The following ARHGAP39 variants were observed in gnomAD, a reference collection of about 807,000 sequenced individuals.
The protein encoded by ARHGAP39 is rho GTPase-activating protein 39.
In ARHGAP39, 44 loss-of-function variants were observed where a neutral mutation model predicts 106.9. The observed-to-expected ratio is 0.41, with a 90% CI of 0.32 to 0.53. ARHGAP39 has a LOEUF of 0.53. ARHGAP39 is among the 20% of genes least tolerant of loss of function. The pLI, the probability that ARHGAP39 is intolerant of heterozygous loss-of-function variation, is 0.21. For missense variants in ARHGAP39, 1,496 were observed against 1,577.3 expected, an observed-to-expected ratio of 0.95 and a Z score of 0.87; for synonymous variants, 768 against 693.2, an observed-to-expected ratio of 1.11 and a Z score of -1.69.
intron 10 of ARHGAP39, 51 bp from the exon 11 acceptor site, chr8:144,530,922 G>T (rs1481894137): frequency 6.4e-7 from 1 of 1,568,690 alleles, no homozygotes. Flanking sequence ...GCACCCCTGG[G>T]CCAAATGGGG....
At chr8:144,698,532 G>A in the ARHGAP39 span, 13 of 190,428 alleles carry the variant, frequency 6.8e-5, no homozygotes, top group South Asian at 9.8e-4. Flanking sequence ...CTAAAGGTTG[G>A]TGAGAGCTCA....
At chr8:144,628,767 C>T (rs1052204492) in intron 1 of ARHGAP39, among the ~76,000 whole-genome samples, 3 of 152,222 alleles carry the variant, frequency 2.0e-5, no homozygotes, top group Admixed American at 1.3e-4. Flanking sequence ...CTGTCCTAAG[C>T]TCAGCCCACC....
intron 2 of ARHGAP39, among the ~76,000 whole-genome samples, chr8:144,600,849 CTG>C (rs529452782): frequency 1.7e-4 from 25 of 146,532 alleles, no homozygotes; most frequent in African/African-American, 4.1e-4. Context: ...GCTCGTGTAC[CTG>C]TGTGTGTGCA....
chr8:144,588,461 T>A (rs118135281), intron 2 of ARHGAP39, among the ~76,000 whole-genome samples: 138 of 152,340 alleles, frequency 9.1e-4, no homozygotes, highest in Non-Finnish European at 1.7e-3. Flanking sequence ...CCTCACCCTA[T>A]GGGGAGGTGG....
At chr8:144,542,899 A>G (rs1049603096) in intron 6 of ARHGAP39, among the ~76,000 whole-genome samples, 2 of 150,996 alleles carry the variant, frequency 1.3e-5, no homozygotes, top group African/African-American at 4.9e-5. Context: ...TGATTGCACC[A>G]CTGCACTCCT....
intron 3 of ARHGAP39, among the ~76,000 whole-genome samples, chr8:144,566,003 A>G (rs1818381573): frequency 3.3e-5 from 5 of 151,264 alleles, no homozygotes; most frequent in Admixed American, 2.0e-4. Context: ...CAGAGGTGGG[A>G]GGATCGCTTG....
intron 3 of ARHGAP39, among the ~76,000 whole-genome samples, chr8:144,563,782 T>C (rs899303619): frequency 2.0e-5 from 3 of 150,448 alleles, no homozygotes; most frequent in South Asian, 2.1e-4. Context: ...CAGCGAGACC[T>C]TGTATCTAAA....
intron 2 of ARHGAP39, among the ~76,000 whole-genome samples, chr8:144,598,916 G>A (rs756306122): frequency 1.3e-5 from 2 of 152,162 alleles, no homozygotes; most frequent in African/African-American, 2.4e-5. Context: ...AGCATGAAAA[G>A]ATAAAAAATA....
At chr8:144,673,028 G>A (rs1822138801) in intron 1 of ARHGAP39, among the ~76,000 whole-genome samples, 2 of 152,116 alleles carry the variant, frequency 1.3e-5, no homozygotes, top group South Asian at 4.1e-4. Context: ...ACCAGTCTGG[G>A]TAACAGGGTG....
intron 2 of ARHGAP39, 112 bp downstream of exon 2, chr8:144,605,423 G>A (rs1055135934): frequency 1.1e-4 from 133 of 1,168,328 alleles, no homozygotes; most frequent in Middle Eastern, 1.9e-4. Context: ...AGCCAGCGAC[G>A]AATCCATTCT....
Position 144,530,805 on chromosome 8 carries a change from T to C in ARHGAP39, c.3047A>G (p.Gln1016Arg). The change falls in exon 11 of 12, where the codon CAG becomes CGG. Residue 1016 changes from glutamine to arginine, a missense_variant. By Grantham distance (43) the Gln-to-Arg change is conservative. Coordinates refer to ENST00000377307, the MANE Select transcript of ARHGAP39 (RefSeq NM_025251.3). Reference sequence around the variant, plus strand: ...GGGGCTGTCGTAGTGCGCGATGCACTGCTCGTAGAACTCGTGCGGGATCAG... The same window carrying C: ...GGGGCTGTCGTAGTGCGCGATGCACCGCTCGTAGAACTCGTGCGGGATCAG... ...EPLIPHEFYE[Q>R]CIAHYDSPEA... 6.2e-7 allele frequency: 1 copy of C among 1,612,060 alleles called. No homozygotes were observed. The highest frequency in any genetic ancestry group is 1.1e-5 in the South Asian group (1 of 91,034).
intron 3 of ARHGAP39, 89 bp downstream of exon 3, chr8:144,580,757 G>GGGGGGGGGGGC: frequency 5.3e-6 from 1 of 188,782 alleles, no homozygotes; most frequent in African/African-American, 2.7e-5. Flanking sequence ...GCTCTCACCT[G>GGGGGGGGGGGC]GCCCCGCCCA....
chr8:144,561,604 GCGC>G (rs1564848590), intron 3 of ARHGAP39, among the ~76,000 whole-genome samples: 3 of 112,654 alleles, frequency 2.7e-5, no homozygotes, highest in Admixed American at 8.4e-5. Context: ...GGTTTCCATC[GCGC>G]TCCAGTGGTT....
intron 1 of ARHGAP39, among the ~76,000 whole-genome samples, chr8:144,657,943 A>T (rs981633082): frequency 6.9e-6 from 1 of 145,016 alleles, no homozygotes; most frequent in Non-Finnish European, 1.5e-5. Context: ...AAATAAAAAT[A>T]AAAAAACAAC....
chr8:144,666,720 T>C (rs1017957594), intron 1 of ARHGAP39, among the ~76,000 whole-genome samples: 1 of 152,210 alleles, frequency 6.6e-6, no homozygotes, highest in Non-Finnish European at 1.5e-5. Flanking sequence ...ATTAAACTTC[T>C]TTTTCTCCCC....
At position 144,684,864 on chromosome 8, in the gene ARHGAP39, G is replaced by GA. The variant is rs1405688037; in HGVS notation, c.-82+821dup. Among the ~76,000 whole-genome samples the GA allele has an allele frequency of 2.6e-5, 4 of 152,206 alleles. No individual in the cohort carries two copies. The highest frequency in any genetic ancestry group is 5.9e-5 in the Non-Finnish European group (4 of 68,026). On this transcript the variant is annotated intron_variant, in intron 1 of 11. Transcript: ENST00000377307. The surrounding 1 kb of genome is among the most constrained non-coding windows in gnomAD (Gnocchi z 4.4). Reference sequence around the variant, plus strand: ...GCAGAGCCCACCCGCAGGCGGCCATGACCCCACCTGGAGACGCCCATGTCC... The same window carrying GA: ...GCAGAGCCCACCCGCAGGCGGCCATGAACCCCACCTGGAGACGCCCATGTCC...
At chr8:144,612,798 A>T (rs1820527540) in intron 1 of ARHGAP39, among the ~76,000 whole-genome samples, 1 of 152,184 alleles carries the variant, frequency 6.6e-6, no homozygotes, top group South Asian at 2.1e-4. Context: ...GAGTGAAGTG[A>T]GCCACGGCTG....
the ARHGAP39 span, among the ~76,000 whole-genome samples, chr8:144,691,717 T>A: frequency 6.6e-6 from 1 of 152,050 alleles, no homozygotes; most frequent in Non-Finnish European, 1.5e-5. Context: ...CCTAGTCAGC[T>A]CGGGGGCTCT....
chr8:144,635,835 G>A (rs112993937), intron 1 of ARHGAP39, among the ~76,000 whole-genome samples: 1 of 143,364 alleles, frequency 7.0e-6, no homozygotes, highest in South Asian at 2.4e-4. Context: ...GACAGTGTGG[G>A]GACTGAATTA....
Sources: allele counts gnomAD v4.1 joint callset (sites outside exome capture counted in the v4.1 genomes callset), GRCh38; gene constraint gnomAD v4.1.1; non-coding constraint Gnocchi (gnomAD v3.1); transcripts MANE v1.5; gene names NCBI Gene and HGNC (gene_info 2026-07-23, HGNC 2026-07-21).